Variants in IP6K2 observed in about 807,000 individuals in gnomAD.
The protein encoded by IP6K2 is ATP:1D-myo-inositol-hexakisphosphate phosphotransferase.
In IP6K2, 9 loss-of-function variants were observed where a neutral mutation model predicts 43.3. The observed-to-expected ratio is 0.21, with a 90% confidence interval of 0.13 to 0.36. The LOEUF is 0.36. Among genes scored for constraint, IP6K2 ranks in the 10% least tolerant of loss-of-function variants. IP6K2 has a pLI of 1.00. For missense variants in IP6K2, 332 were observed against 538.4 expected (o/e 0.62, Z 3.79); for synonymous variants, 209 against 202.4 (o/e 1.03, Z -0.28).
In IP6K2 at chr3:48,695,389, G is replaced by C. The variant is rs187659356; in HGVS notation, c.-98C>G. ...TTTGTCCGTGTGTCCCTCTCGTCTTGGCTCCTTGGCTTGTTCTGGCCAGGA... is the reference window on the plus strand; with the variant it reads ...TTTGTCCGTGTGTCCCTCTCGTCTTCGCTCCTTGGCTTGTTCTGGCCAGGA... On this transcript the variant is annotated 5_prime_UTR_variant, in exon 2 of 6. Transcript: ENST00000328631. This position sits in a 1 kb window ranked among gnomAD's most constrained non-coding sequence, Gnocchi z 4.6. 4.0e-5 allele frequency: 59 copies of C among 1,459,010 alleles called. No individual in the cohort carries two copies. The highest frequency in any genetic ancestry group is 5.2e-5 in the Non-Finnish European group (57 of 1,104,634). The allele number at this position is 1,459,010 out of a possible 1,614,324, so 90.4% of individuals were successfully genotyped here.
At chr3:48,704,354 TAGG>T (rs1312612938) in intron 1 of IP6K2, among the ~76,000 whole-genome samples, 1 of 152,066 alleles carries the variant, frequency 6.6e-6, no homozygotes, top group East Asian at 1.9e-4. Flanking sequence ...CATCCAGCAA[TAGG>T]AGATGAATGA....
At position 48,715,326 on chromosome 3, in the gene IP6K2, G is replaced by A. The variant is rs1465540415; in HGVS notation, c.-131+1831C>T. On this transcript the variant is annotated intron_variant, in intron 1 of 5. Coordinates refer to ENST00000328631, the MANE Select transcript of IP6K2 (RefSeq NM_016291.4). ...TGGAAAATTTTCACCTCAGTAAGCT[G>A]GCCTCAGGGAGGTTCAGGCTCATCC... The A allele has an allele frequency of 5.2e-6, 8 of 1,535,976 alleles. No homozygotes were observed. In the East Asian group the frequency reaches 7.3e-5, roughly 14 times the overall value.
At chr3:48,698,014 G>A (rs1197849896) in intron 1 of IP6K2, among the ~76,000 whole-genome samples, 1 of 152,118 alleles carries the variant, frequency 6.6e-6, no homozygotes, top group Non-Finnish European at 1.5e-5. Context: ...CTGATTACTT[G>A]GCACTACCTT....
At chr3:48,699,069 A>T (rs2106880747) in intron 1 of IP6K2, among the ~76,000 whole-genome samples, 1 of 152,290 alleles carries the variant, frequency 6.6e-6, no homozygotes, top group African/African-American at 2.4e-5. Context: ...CCTCCAACGA[A>T]AATAAACAAA....
chr3:48,693,992 AAC>A, intron 2 of IP6K2: 3 of 1,361,426 alleles, frequency 2.2e-6, no homozygotes, highest in Admixed American at 3.6e-5. Context: ...GCGCCTTACA[AAC>A]GACTGGCTGA....
In IP6K2 at chr3:48,699,989, A is replaced by C. The variant is rs1045578069; in HGVS notation, c.-130-4568T>G. 5.3e-5 allele frequency among the ~76,000 whole-genome samples: 8 copies of C among 152,352 alleles called. No individual in the cohort carries two copies. In the East Asian group the frequency reaches 1.5e-3, roughly 29 times the overall value. ...AAGATTGCTTGAGTTCAGGAATTCG[A>C]GACTAGCCTGGGCTATGTAGTGAGA... On this transcript the variant is annotated intron_variant, in intron 1 of 5. Transcript: ENST00000328631.
chr3:48,704,070 AAC>A (rs1362011092), intron 1 of IP6K2, among the ~76,000 whole-genome samples: 2 of 152,190 alleles, frequency 1.3e-5, no homozygotes, highest in Admixed American at 6.6e-5. Flanking sequence ...CTAGCCTGGC[AAC>A]AGAGTGAGAC....
intron 1 of IP6K2, among the ~76,000 whole-genome samples, chr3:48,712,051 A>C (rs1323130518): frequency 6.6e-6 from 1 of 152,106 alleles, no homozygotes; most frequent in Non-Finnish European, 1.5e-5. Context: ...GCTTGGAGTT[A>C]GGTTAATCCC....
intron 1 of IP6K2, among the ~76,000 whole-genome samples, chr3:48,704,825 C>T (rs1258586308): frequency 1.3e-5 from 2 of 151,738 alleles, no homozygotes; most frequent in Non-Finnish European, 2.9e-5. Context: ...GTTGCCCAGG[C>T]TAGAGTGCAT....
At chr3:48,715,415 G>A in intron 1 of IP6K2, 14 of 1,536,260 alleles carry the variant, frequency 9.1e-6, no homozygotes, top group Non-Finnish European at 1.2e-5. Context: ...CCTCTTGGAA[G>A]GGAGACTGGC....
Position 48,695,708 on chromosome 3 carries a change from T to C in IP6K2, c.-130-287A>G. 3.1e-6 allele frequency: 1 copy of C among 318,940 alleles called. No homozygotes were observed. The highest frequency in any genetic ancestry group is 5.7e-6 in the Non-Finnish European group (1 of 175,414). The allele number at this position is 318,940 out of a possible 1,614,324, so 19.8% of individuals were successfully genotyped here. A position where few individuals can be genotyped will look rare whatever the true frequency, so the allele number is the denominator to read the frequency against. On this transcript the variant is annotated intron_variant, in intron 1 of 5. Coordinates refer to ENST00000328631, the MANE Select transcript of IP6K2 (RefSeq NM_016291.4). The surrounding 1 kb of genome is among the most constrained non-coding windows in gnomAD (Gnocchi z 4.6). ...AGAAAGCCACTGCCGCAGGCAAAACTGATGCCATGGTGAGGTGAAATCACA... is the reference window on the plus strand; with the variant it reads ...AGAAAGCCACTGCCGCAGGCAAAACCGATGCCATGGTGAGGTGAAATCACA...
At position 48,688,243 on chromosome 3, in the gene IP6K2, C is replaced by T. The variant is rs575113986; in HGVS notation, c.*30G>A. 98 of 1,603,302 alleles carry T rather than the reference C, an allele frequency of 6.1e-5. No individual in the cohort carries two copies. Among genetic ancestry groups the T allele is most frequent in the Admixed American group, 2.7e-4 (16 of 59,736 alleles). On this transcript the variant is annotated 3_prime_UTR_variant, in exon 6 of 6. Coordinates refer to ENST00000328631, the MANE Select transcript of IP6K2 (RefSeq NM_016291.4). This position sits in a 1 kb window ranked among gnomAD's most constrained non-coding sequence, Gnocchi z 5.1. ...CACAGCTGTGCCTGGGACACAGAGT[C>T]GCTCTCAAGTACTGGAGCAGCTAGC...
intron 1 of IP6K2, among the ~76,000 whole-genome samples, chr3:48,696,995 T>C (rs1427358034): frequency 2.0e-5 from 3 of 151,932 alleles, no homozygotes; most frequent in Non-Finnish European, 1.5e-5. Context: ...GCACATGATA[T>C]CTGGCACTGC....
At chr3:48,696,135 G>A (rs2078320662) in intron 1 of IP6K2, among the ~76,000 whole-genome samples, 2 of 151,678 alleles carry the variant, frequency 1.3e-5, no homozygotes, top group South Asian at 2.1e-4. Context: ...CTGCCCATTC[G>A]GTCTCCCAAA....
chr3:48,712,894 GC>G (rs1391689804), intron 1 of IP6K2, among the ~76,000 whole-genome samples: 4 of 151,720 alleles, frequency 2.6e-5, no homozygotes, highest in Non-Finnish European at 4.4e-5. Context: ...ATGCCTGTAG[GC>G]CCAGCTACTT....
intron 1 of IP6K2, among the ~76,000 whole-genome samples, chr3:48,698,032 C>T (rs1404697134): frequency 2.0e-5 from 3 of 152,130 alleles, no homozygotes; most frequent in Non-Finnish European, 4.4e-5. Context: ...CTTCTCATCA[C>T]CACAAAAGCC....
At chr3:48,709,680 T>C (rs1400397533) in intron 1 of IP6K2, among the ~76,000 whole-genome samples, 1 of 151,694 alleles carries the variant, frequency 6.6e-6, no homozygotes, top group South Asian at 2.1e-4. Context: ...CTACTAAAAA[T>C]AAAAAAATTA....
rs190064221 is a variant in IP6K2 at position 48,706,840 on chromosome 3, G to A, written c.-131+10317C>T. ...CAAAAAAATAAAAAAGAAAGAAAGC[G>A]GTGGTCAAAATGCTGCCCCAAAATG... On this transcript the variant is annotated intron_variant, in intron 1 of 5. Transcript: ENST00000328631. 1.5e-3 allele frequency among the ~76,000 whole-genome samples: 229 copies of A among 152,092 alleles called. 2 individuals are homozygous for A. The highest frequency in any genetic ancestry group is 4.8e-3 in the African/African-American group (201 of 41,494).
chr3:48,708,617 C>A (rs1010270733), intron 1 of IP6K2, among the ~76,000 whole-genome samples: 1 of 117,838 alleles, frequency 8.5e-6, no homozygotes, highest in African/African-American at 3.6e-5. Context: ...TTTTCAAGAA[C>A]AATTCTCAGT....
Sources: allele counts gnomAD v4.1 joint callset (sites outside exome capture counted in the v4.1 genomes callset), GRCh38; gene constraint gnomAD v4.1.1; non-coding constraint Gnocchi (gnomAD v3.1); transcripts MANE v1.5; gene names NCBI Gene and HGNC (gene_info 2026-07-23, HGNC 2026-07-21).